CDH12: variants seen among roughly 807,000 people sequenced by gnomAD.
CDH12 encodes the protein cadherin 12.
A neutral mutation model predicts 74.1 loss-of-function variants in CDH12; 41 were observed. That is an observed-to-expected ratio of 0.55 (90% CI 0.43 to 0.72). CDH12 has a LOEUF of 0.72. CDH12 is among the 30% of genes least tolerant of loss of function. CDH12 has a pLI of 0.00. For missense variants in CDH12, 945 were observed against 977.2 expected, an observed-to-expected ratio of 0.97 and a Z score of 0.44; for synonymous variants, 399 against 355.0, an observed-to-expected ratio of 1.12 and a Z score of -1.39.
At chr5:22,353,741 TTCTTCA>T (rs1740450588) in intron 3 of CDH12, among the ~76,000 whole-genome samples, 1 of 152,128 alleles carries the variant, frequency 6.6e-6, no homozygotes, top group African/African-American at 2.4e-5. Flanking sequence ...TTGGTCTTTT[TTCTTCA>T]TCTCAATTTT....
intron 5 of CDH12, among the ~76,000 whole-genome samples, chr5:22,065,620 C>G (rs1194573725): frequency 6.6e-6 from 1 of 152,088 alleles, no homozygotes; most frequent in Non-Finnish European, 1.5e-5. Context: ...CTGGGAGGGT[C>G]TAGAGGACAC....
chr5:22,505,263 TA>T lies in CDH12; in HGVS notation c.-428+6del. ...GCATATATCTTGATAAGATTTTTTT[TA>T]CCTACCTTTAAAAAGGCTGGCATTC... On this transcript the variant is annotated splice_donor_region_variant and intron_variant, in intron 2 of 14. Transcript: ENST00000382254. 1 of 952,838 alleles carries T rather than the reference TA, an allele frequency of 1.0e-6. No homozygotes were observed. The highest frequency in any genetic ancestry group is 1.2e-6 in the Non-Finnish European group (1 of 800,206). The allele number at this position is 952,838 out of a possible 1,614,324, so 59.0% of individuals were successfully genotyped here. A position where few individuals can be genotyped will look rare whatever the true frequency, so the allele number is the denominator to read the frequency against.
At chr5:21,991,302 A>G (rs1757738785) in intron 5 of CDH12, among the ~76,000 whole-genome samples, 1 of 151,824 alleles carries the variant, frequency 6.6e-6, no homozygotes, top group Non-Finnish European at 1.5e-5. Context: ...ATTTAATAAC[A>G]GAAATGGTTA....
intron 4 of CDH12, among the ~76,000 whole-genome samples, chr5:22,196,418 C>T (rs1430704923): frequency 1.3e-5 from 2 of 152,092 alleles, no homozygotes; most frequent in African/African-American, 2.4e-5. Context: ...GCTGGGATTA[C>T]AGGCATGAGC....
intron 1 of CDH12, among the ~76,000 whole-genome samples, chr5:22,551,868 T>C (rs1738588348): frequency 6.6e-6 from 1 of 152,214 alleles, no homozygotes; most frequent in Admixed American, 6.5e-5. Flanking sequence ...TTAAATATGT[T>C]TATTAGAATT....
At chr5:22,614,014 A>G (rs954799521) in intron 1 of CDH12, among the ~76,000 whole-genome samples, 1 of 152,146 alleles carries the variant, frequency 6.6e-6, no homozygotes, top group African/African-American at 2.4e-5. Context: ...CTTCTTCTTC[A>G]CATATTTTGC....
intron 1 of CDH12, among the ~76,000 whole-genome samples, chr5:22,693,803 T>C (rs1237467707): frequency 1.3e-5 from 2 of 152,072 alleles, no homozygotes; most frequent in African/African-American, 4.8e-5. Context: ...AAATGAGGAG[T>C]ATTTACTTTC....
intron 1 of CDH12, among the ~76,000 whole-genome samples, chr5:22,516,304 G>C (rs1736804006): frequency 6.6e-6 from 1 of 151,974 alleles, no homozygotes; most frequent in South Asian, 2.1e-4. Context: ...TTTAAAAATG[G>C]AATATAAATA....
intron 3 of CDH12, among the ~76,000 whole-genome samples, chr5:22,222,379 A>C (rs1383063476): frequency 6.6e-6 from 1 of 151,946 alleles, no homozygotes; most frequent in Non-Finnish European, 1.5e-5. Flanking sequence ...TCTTCTCTAA[A>C]GACCACGAAT....
chr5:22,459,647 A>G (rs2126581387), intron 2 of CDH12, among the ~76,000 whole-genome samples: 1 of 152,342 alleles, frequency 6.6e-6, no homozygotes, highest in African/African-American at 2.4e-5. Context: ...CACAATAAAA[A>G]TAATAAGAAA....
chr5:22,102,697 T>C (rs1224262904), intron 4 of CDH12, among the ~76,000 whole-genome samples: 1 of 151,594 alleles, frequency 6.6e-6, no homozygotes. Context: ...AATAAATACA[T>C]AAATAAATAA....
chr5:22,757,510 T>C (rs1214865878), intron 1 of CDH12, among the ~76,000 whole-genome samples: 1 of 152,198 alleles, frequency 6.6e-6, no homozygotes, highest in African/African-American at 2.4e-5. Flanking sequence ...CAGCTCATTT[T>C]ATTATTAGTT....
chr5:22,443,040 C>A (rs184334045), intron 2 of CDH12, among the ~76,000 whole-genome samples: 3 of 152,172 alleles, frequency 2.0e-5, no homozygotes, highest in African/African-American at 7.2e-5. Context: ...TCAAGAAGAA[C>A]AATATTCATC....
At chr5:21,844,667 T>A (rs1460827393) in intron 7 of CDH12, among the ~76,000 whole-genome samples, 1 of 152,108 alleles carries the variant, frequency 6.6e-6, no homozygotes, top group Non-Finnish European at 1.5e-5. Flanking sequence ...TACTCTTAAC[T>A]CTGATAATAC....
chr5:21,772,612 AG>A (rs1423219200), intron 11 of CDH12, among the ~76,000 whole-genome samples: 3 of 152,194 alleles, frequency 2.0e-5, no homozygotes, highest in African/African-American at 7.2e-5. Context: ...TATACTAAGA[AG>A]TATGAACTTG....
intron 3 of CDH12, among the ~76,000 whole-genome samples, chr5:22,215,516 G>T (rs192744020): frequency 0.025 from 3,851 of 152,058 alleles, 70 homozygotes; most frequent in African/African-American, 0.052. Context: ...TAGCACAAAT[G>T]ACTCAATTTC....
intron 1 of CDH12, among the ~76,000 whole-genome samples, chr5:22,762,474 G>T (rs936183709): frequency 1.3e-5 from 2 of 152,014 alleles, no homozygotes; most frequent in African/African-American, 4.8e-5. Flanking sequence ...AAATAACACA[G>T]GCAAGTAATT....
At chr5:22,158,735 T>C (rs1369568264) in intron 4 of CDH12, among the ~76,000 whole-genome samples, 1 of 152,108 alleles carries the variant, frequency 6.6e-6, no homozygotes, top group Non-Finnish European at 1.5e-5. Flanking sequence ...CAATACATGT[T>C]TAAATAAAAG....
intron 8 of CDH12, among the ~76,000 whole-genome samples, chr5:21,829,457 T>C (rs1368806798): frequency 6.6e-6 from 1 of 152,224 alleles, no homozygotes; most frequent in Non-Finnish European, 1.5e-5. Flanking sequence ...AACGAAACAT[T>C]ATTCATCAAA....
Sources: allele counts gnomAD v4.1 joint callset (sites outside exome capture counted in the v4.1 genomes callset), GRCh38; gene constraint gnomAD v4.1.1; transcripts MANE v1.5; gene names NCBI Gene and HGNC (gene_info 2026-07-23, HGNC 2026-07-21).